ZBTB41: variants seen among roughly 807,000 people sequenced by gnomAD.
The protein encoded by ZBTB41 is zinc finger and BTB domain-containing protein 41.
A neutral mutation model predicts 87.6 loss-of-function variants in ZBTB41; 42 were observed. That is an observed-to-expected ratio of 0.48 (90% CI 0.37 to 0.62). The LOEUF (loss-of-function observed/expected upper bound fraction) is 0.62. Among genes scored for constraint, ZBTB41 ranks in the 20% least tolerant of loss-of-function variants. The pLI is 0.00. For synonymous variants in ZBTB41, 364 were observed against 364.0 expected, an observed-to-expected ratio of 1.00 and a Z score of 0.00; for missense variants, 799 against 1,078.9, an observed-to-expected ratio of 0.74 and a Z score of 3.63.
In ZBTB41 at chr1:197,159,485, A is replaced by G; in HGVS notation, c.2604T>C (p.Asn868=). The G allele has an allele frequency of 6.2e-7, 1 of 1,613,950 alleles. No individual in the cohort carries two copies. Among genetic ancestry groups the G allele is most frequent in the Non-Finnish European group, 8.5e-7 (1 of 1,179,854 alleles). ...EKYTLTPQPA[N]IVHPVRPEQM... Reference sequence around the variant, plus strand: ...GTTCAGGTCGAACTGGGTGAACTATATTTGCAGGTTGAGGAGTAAGAGTAT... The same window carrying G: ...GTTCAGGTCGAACTGGGTGAACTATGTTTGCAGGTTGAGGAGTAAGAGTAT... Residue 868 remains asparagine (N), a synonymous_variant, in exon 11 of 11, where the codon AAT becomes AAC. Transcript: ENST00000367405.
Position 197,158,535 on chromosome 1 carries a change from C to A in ZBTB41, c.*824G>T, listed in dbSNP as rs562243155. Reference sequence around the variant, plus strand: ...GACATATGCTATGTTGTATTGTCAACATTTCTGAAATAAATAGTAAAGTAC... The same window carrying A: ...GACATATGCTATGTTGTATTGTCAAAATTTCTGAAATAAATAGTAAAGTAC... On this transcript the variant is annotated 3_prime_UTR_variant, in exon 11 of 11. Coordinates refer to ENST00000367405, the MANE Select transcript of ZBTB41 (RefSeq NM_194314.3). 4.6e-5 allele frequency: 7 copies of A among 152,496 alleles called. No homozygotes were observed. The South Asian group carries it at 1.4e-3, about 32-fold the overall frequency. 9.4% of individuals were successfully genotyped at this position (152,496 alleles called of 1,614,324 possible).
intron 4 of ZBTB41, 130 bp from the exon 5 acceptor site, chr1:197,188,569 T>A: frequency 1.1e-6 from 1 of 880,856 alleles, no homozygotes; most frequent in Non-Finnish European, 1.6e-6. Context: ...TTACAAAAAG[T>A]AAAATTCAAT....
rs780943344 is a variant in ZBTB41 at position 197,157,185 on chromosome 1, C to CATT, written c.*2171_*2173dup. ...CTACAATTAAATCATATATTTAAAG[C>CATT]ATTAGGACGGACATTATTATTAAAA... On this transcript the variant is annotated 3_prime_UTR_variant, in exon 11 of 11. Transcript: ENST00000367405. The CATT allele has an allele frequency of 1.3e-4, 20 of 152,146 alleles. No homozygotes were observed. In the East Asian group the frequency reaches 3.5e-3, roughly 26 times the overall value. The allele number at this position is 152,146 out of a possible 1,614,324, so 9.4% of individuals were successfully genotyped here.
intron 2 of ZBTB41, among the ~76,000 whole-genome samples, chr1:197,195,003 G>A (rs779308191): frequency 1.3e-5 from 2 of 151,924 alleles, no homozygotes; most frequent in Non-Finnish European, 2.9e-5. Context: ...GTTTTGTTTC[G>A]TTTTGTTTTT....
rs1659101135 is a variant in ZBTB41 at position 197,157,673 on chromosome 1, G to A, written c.*1686C>T. Reference sequence around the variant, plus strand: ...ACCTTGACAAATGAGGCTAAACTCAGATTGGTTTTATTATTTATATGAGCT... The same window carrying A: ...ACCTTGACAAATGAGGCTAAACTCAAATTGGTTTTATTATTTATATGAGCT... On this transcript the variant is annotated 3_prime_UTR_variant, in exon 11 of 11. Coordinates refer to ENST00000367405, the MANE Select transcript of ZBTB41 (RefSeq NM_194314.3). 1 of 152,212 alleles carries A rather than the reference G, an allele frequency of 6.6e-6. No homozygotes were observed. Among genetic ancestry groups the A allele is most frequent in the African/African-American group, 2.4e-5 (1 of 41,382 alleles). 9.4% of individuals were successfully genotyped at this position (152,212 alleles called of 1,614,324 possible). A position where few individuals can be genotyped will look rare whatever the true frequency, so the allele number is the denominator to read the frequency against.
intron 10 of ZBTB41, among the ~76,000 whole-genome samples, chr1:197,170,335 C>T (rs554663253): frequency 6.6e-6 from 1 of 152,056 alleles, no homozygotes; most frequent in South Asian, 2.1e-4. Context: ...CAAAATCCTT[C>T]ACCATTTCCT....
chr1:197,180,937 T>C (rs1659730517), intron 6 of ZBTB41, 51 bp downstream of exon 6: 3 of 1,539,458 alleles, frequency 1.9e-6, no homozygotes, highest in African/African-American at 1.4e-5. Flanking sequence ...TGATTGATTA[T>C]TTCTACATAA....
chr1:197,190,198 G>A (rs1659993486), intron 4 of ZBTB41, among the ~76,000 whole-genome samples: 1 of 152,110 alleles, frequency 6.6e-6, no homozygotes, highest in African/African-American at 2.4e-5. Flanking sequence ...TAAGATTACA[G>A]GCATGAACCA....
intron 5 of ZBTB41, among the ~76,000 whole-genome samples, chr1:197,182,748 A>T (rs1315972188): frequency 1.3e-5 from 2 of 152,216 alleles, no homozygotes; most frequent in African/African-American, 4.8e-5. Flanking sequence ...AATAATCTAA[A>T]GCAGTCATTA....
rs1660240395 is a variant in ZBTB41 at position 197,199,334 on chromosome 1, A to T, written c.1120+20T>A. On this transcript the variant is annotated intron_variant, in intron 2 of 10. Coordinates refer to ENST00000367405, the MANE Select transcript of ZBTB41 (RefSeq NM_194314.3). ...GAAAAGTAAGTGATTAGAGATAGAAAACCAGTTTTCTTTTCTTACCTATTC... is the reference window on the plus strand; with the variant it reads ...GAAAAGTAAGTGATTAGAGATAGAATACCAGTTTTCTTTTCTTACCTATTC... 2 of 1,473,460 alleles carry T rather than the reference A, an allele frequency of 1.4e-6. No homozygotes were observed. Among genetic ancestry groups the T allele is most frequent in the Non-Finnish European group, 1.8e-6 (2 of 1,116,842 alleles). The allele number at this position is 1,473,460 out of a possible 1,614,324, so 91.3% of individuals were successfully genotyped here. A position where few individuals can be genotyped will look rare whatever the true frequency, so the allele number is the denominator to read the frequency against.
intron 2 of ZBTB41, among the ~76,000 whole-genome samples, chr1:197,196,365 C>T (rs1660162087): frequency 1.3e-5 from 2 of 152,142 alleles, no homozygotes; most frequent in African/African-American, 4.8e-5. Flanking sequence ...TTCTACTCAT[C>T]ACCAGTCTAC....
At chr1:197,171,528 T>C (rs1659477768) in intron 10 of ZBTB41, among the ~76,000 whole-genome samples, 1 of 152,086 alleles carries the variant, frequency 6.6e-6, no homozygotes, top group African/African-American at 2.4e-5. Flanking sequence ...TTAATTTATA[T>C]GTAAAGGCAA....
intron 6 of ZBTB41, 108 bp downstream of exon 6, chr1:197,180,880 T>C: frequency 8.3e-7 from 1 of 1,201,470 alleles, no homozygotes; most frequent in Non-Finnish European, 1.1e-6. Context: ...TAAAGCACAA[T>C]TCATGCATTT....
intron 10 of ZBTB41, among the ~76,000 whole-genome samples, chr1:197,160,580 G>A (rs891448520): frequency 3.9e-5 from 6 of 152,146 alleles, no homozygotes; most frequent in Non-Finnish European, 5.9e-5. Context: ...TCAGCGGAAA[G>A]AACAAAGAAG....
chr1:197,166,705 G>A (rs1659352932), intron 10 of ZBTB41, among the ~76,000 whole-genome samples: 1 of 151,940 alleles, frequency 6.6e-6, no homozygotes, highest in African/African-American at 2.4e-5. Flanking sequence ...AAATTAGCCG[G>A]GTGTGGAGGC....
At chr1:197,166,196 A>T (rs924695175) in intron 10 of ZBTB41, among the ~76,000 whole-genome samples, 19 of 152,168 alleles carry the variant, frequency 1.2e-4, no homozygotes, top group African/African-American at 2.4e-4. Flanking sequence ...ATAATAATAA[A>T]AAAAAAGAAG....
At chr1:197,181,223 G>T in intron 5 of ZBTB41, 106 bp from the exon 6 acceptor site, 1 of 961,628 alleles carries the variant, frequency 1.0e-6, no homozygotes, top group Non-Finnish European at 1.5e-6. Flanking sequence ...TGGTGCATAT[G>T]TCATAATACA....
intron 10 of ZBTB41, among the ~76,000 whole-genome samples, chr1:197,167,573 T>C (rs1659380209): frequency 6.6e-6 from 1 of 152,272 alleles, no homozygotes; most frequent in South Asian, 2.1e-4. Context: ...CAAGATACTA[T>C]ATCAAACCAG....
rs551547856 is a variant in ZBTB41 at position 197,199,403 on chromosome 1, G to A, written c.1071C>T (p.Asn357=). ...GLTPVVIQNS[N]KKILQCPKCD... ...ATTTAGGACACTGCAATATTTTTTT[G>A]TTGCTGTTCTGAATGACCACTGGAG... Residue 357 remains asparagine (N), a synonymous_variant, in exon 2 of 11, where the codon AAC becomes AAT. Coordinates refer to ENST00000367405, the MANE Select transcript of ZBTB41 (RefSeq NM_194314.3). The A allele has an allele frequency of 1.6e-5, 26 of 1,584,998 alleles. No individual in the cohort carries two copies. The South Asian group carries it at 2.9e-4, about 18-fold the overall frequency.
Sources: allele counts gnomAD v4.1 joint callset (sites outside exome capture counted in the v4.1 genomes callset), GRCh38; gene constraint gnomAD v4.1.1; transcripts MANE v1.5; gene names NCBI Gene and HGNC (gene_info 2026-07-23, HGNC 2026-07-21).